Variants in IL5 observed in about 807,000 individuals in gnomAD.
IL5 encodes interleukin 5, also known as interleukin-5.
A neutral mutation model predicts 16.3 loss-of-function variants in IL5; 12 were observed. The observed-to-expected ratio is 0.74, with a 90% CI of 0.47 to 1.20. The LOEUF (loss-of-function observed/expected upper bound fraction) is 1.20. Among genes scored for constraint, IL5 ranks in the 50% most tolerant of loss-of-function variants. IL5 has a pLI of 0.00. For missense variants in IL5, 159 were observed against 153.9 expected, an observed-to-expected ratio of 1.03 and a Z score of -0.17; for synonymous variants, 54 against 56.6, an observed-to-expected ratio of 0.95 and a Z score of 0.21.
Position 132,541,714 on chromosome 5 carries a change from T to C in IL5, c.*97A>G, listed in dbSNP as rs56753728. 150 of 688,266 alleles carry C rather than the reference T, an allele frequency of 2.2e-4. No individual in the cohort carries two copies. In the African/African-American group the frequency reaches 2.5e-3, roughly 11 times the overall value. The allele number at this position is 688,266 out of a possible 1,614,324, so 42.6% of individuals were successfully genotyped here. Reference sequence around the variant, plus strand: ...CTTTCCCTCTGAAGTTAAATTATACTGAAAATTAAGGCCTGACTCTTTCTT... The same window carrying C: ...CTTTCCCTCTGAAGTTAAATTATACCGAAAATTAAGGCCTGACTCTTTCTT... On this transcript the variant is annotated 3_prime_UTR_variant, in exon 4 of 4. Transcript: ENST00000231454.
intron 1 of IL5, among the ~76,000 whole-genome samples, chr5:132,549,301 G>A (rs1367276747): frequency 1.3e-5 from 2 of 152,120 alleles, no homozygotes; most frequent in Admixed American, 6.5e-5. Context: ...TGATCCGCCC[G>A]CCTCGGCCTC....
upstream of IL5, among the ~76,000 whole-genome samples, chr5:132,546,520 T>C (rs904574299): frequency 1.3e-5 from 2 of 152,254 alleles, no homozygotes; most frequent in African/African-American, 4.8e-5. Context: ...ATTGGATGTC[T>C]ATACCATGTT....
upstream of IL5, among the ~76,000 whole-genome samples, chr5:132,547,031 A>G (rs1749806306): frequency 1.3e-5 from 2 of 152,304 alleles, no homozygotes; most frequent in Admixed American, 1.3e-4. Flanking sequence ...ATCTCAAAAA[A>G]AAGAAAGAGC....
intron 1 of IL5, among the ~76,000 whole-genome samples, chr5:132,555,647 C>A (rs1371813731): frequency 1.3e-5 from 2 of 152,200 alleles, no homozygotes; most frequent in Admixed American, 6.5e-5. Context: ...TCCTGAGTAG[C>A]TGGGACCATC....
intron 1 of IL5, among the ~76,000 whole-genome samples, chr5:132,555,730 T>C (rs567371781): frequency 2.0e-5 from 3 of 152,208 alleles, no homozygotes; most frequent in Admixed American, 2.0e-4. Flanking sequence ...TTAGCCAGGA[T>C]GGTCTTCATT....
chr5:132,546,283 T>C (rs2149824613), upstream of IL5, among the ~76,000 whole-genome samples: 1 of 152,264 alleles, frequency 6.6e-6, no homozygotes, highest in Non-Finnish European at 1.5e-5. Context: ...ACTGAAACTC[T>C]GTACCCATTA....
At chr5:132,555,175 G>C (rs1749954746) in intron 1 of IL5, among the ~76,000 whole-genome samples, 1 of 152,200 alleles carries the variant, frequency 6.6e-6, no homozygotes, top group African/African-American at 2.4e-5. Flanking sequence ...ACCTCCTACT[G>C]TGCCACCAGG....
In IL5 at chr5:132,543,428, C is replaced by G. The variant is rs755574063; in HGVS notation, c.51G>C (p.Val17=). ...LSLLALGAAY[V]YAIPTEIPTS... Reference sequence around the variant, plus strand: ...TGGGAATTTCTGTGGGGATGGCATACACGTAGGCAGCTCCAAGAGCTAGCA... The same window carrying G: ...TGGGAATTTCTGTGGGGATGGCATAGACGTAGGCAGCTCCAAGAGCTAGCA... Residue 17 remains valine, a synonymous_variant, in exon 1 of 4, where the codon GTG becomes GTC. Transcript: ENST00000231454. 7 of 1,614,150 alleles carry G rather than the reference C, an allele frequency of 4.3e-6. No individual in the cohort carries two copies. Among genetic ancestry groups the G allele is most frequent in the Non-Finnish European group, 5.9e-6 (7 of 1,179,982 alleles).
chr5:132,545,001 G>T (rs1749760824), upstream of IL5, among the ~76,000 whole-genome samples: 1 of 152,156 alleles, frequency 6.6e-6, no homozygotes, highest in Non-Finnish European at 1.5e-5. Flanking sequence ...CTGAAGTTTT[G>T]GACTCTTGGT....
In IL5 at chr5:132,542,072, A is replaced by T. The variant is rs778643517; in HGVS notation, c.249T>A (p.Thr83=). The T allele has an allele frequency of 1.2e-5, 19 of 1,613,748 alleles. No homozygotes were observed. The South Asian group carries it at 2.1e-4, about 18-fold the overall frequency. The change falls in exon 3 of 4, where the codon ACT becomes ACA. Residue 83 remains threonine (T), a synonymous_variant. Transcript: ENST00000231454. Reference sequence around the variant, plus strand: ...ACAAGTTTTTGAATAGTCTTTCCACAGTACCCCCTTGCACAGTTTGACTCT... The same window carrying T: ...ACAAGTTTTTGAATAGTCTTTCCACTGTACCCCCTTGCACAGTTTGACTCT... ...TLESQTVQGG[T]VERLFKNLSL...
At chr5:132,546,443 T>C (rs192248005), upstream of IL5, among the ~76,000 whole-genome samples, 21 of 152,338 alleles carry the variant, frequency 1.4e-4, 1 homozygote, top group African/African-American at 5.1e-4. Context: ...ATAATGTCTA[T>C]TCTCAAGATT....
intron 2 of IL5, among the ~76,000 whole-genome samples, 165 bp downstream of exon 2, chr5:132,542,929 T>G (rs1749721260): frequency 6.6e-6 from 1 of 152,166 alleles, no homozygotes; most frequent in African/African-American, 2.4e-5. Flanking sequence ...TTCTACTTGA[T>G]AAAAAGTCAT....
intron 1 of IL5, chr5:132,556,614 T>A (rs566650996): frequency 9.2e-7 from 1 of 1,082,472 alleles, no homozygotes; most frequent in African/African-American, 1.7e-5. Flanking sequence ...TGGAAATTAC[T>A]ACACGAACGT....
chr5:132,543,602 C>A, upstream of IL5: 1 of 889,816 alleles, frequency 1.1e-6, no homozygotes, highest in Non-Finnish European at 1.6e-6. Context: ...ATAGAGAATG[C>A]CTAATAATGG....
intron 1 of IL5, among the ~76,000 whole-genome samples, chr5:132,555,035 T>A (rs1323319726): frequency 6.6e-6 from 1 of 152,144 alleles, no homozygotes; most frequent in Non-Finnish European, 1.5e-5. Context: ...GCAAGCTAGA[T>A]CCCTTGCATG....
intron 1 of IL5, among the ~76,000 whole-genome samples, chr5:132,551,984 T>A (rs1749890032): frequency 6.6e-6 from 1 of 152,122 alleles, no homozygotes; most frequent in East Asian, 1.9e-4. Context: ...ATTGTAAGAA[T>A]AAAGAGGTTC....
intron 1 of IL5, among the ~76,000 whole-genome samples, chr5:132,554,019 C>G (rs1271542378): frequency 6.7e-6 from 1 of 150,154 alleles, no homozygotes; most frequent in Non-Finnish European, 1.5e-5. Flanking sequence ...GAATTGTACC[C>G]TGGAAAAGGG....
chr5:132,545,909 G>T (rs535115596), upstream of IL5, among the ~76,000 whole-genome samples: 2 of 152,108 alleles, frequency 1.3e-5, no homozygotes, highest in East Asian at 3.9e-4. Flanking sequence ...AAGAGAGTGA[G>T]ACTGTCTCAA....
chr5:132,545,972 A>C (rs1042676308), upstream of IL5, among the ~76,000 whole-genome samples: 17 of 152,018 alleles, frequency 1.1e-4, no homozygotes, highest in South Asian at 2.1e-4. Flanking sequence ...ACAACAACAA[A>C]AAAGGAAGGC....
Sources: allele counts gnomAD v4.1 joint callset (sites outside exome capture counted in the v4.1 genomes callset), GRCh38; gene constraint gnomAD v4.1.1; transcripts MANE v1.5; gene names NCBI Gene and HGNC (gene_info 2026-07-23, HGNC 2026-07-21).